The following CRYM variants were observed in gnomAD, a reference collection of about 807,000 sequenced individuals.
CRYM encodes ketimine reductase mu-crystallin.
Under a neutral mutation model 32.9 loss-of-function variants are expected in CRYM, and 18 were observed. The observed-to-expected ratio is 0.55, with a 90% confidence interval of 0.38 to 0.81. The LOEUF is 0.81. Among genes scored for constraint, CRYM ranks in the 30% least tolerant of loss-of-function variants. The pLI is 0.00. For synonymous variants in CRYM, 153 were observed against 152.4 expected, an observed-to-expected ratio of 1.00 and a Z score of -0.03; for missense variants, 337 against 393.5, an observed-to-expected ratio of 0.86 and a Z score of 1.21.
chr16:21,286,776 C>G (rs1366271557), intron 1 of CRYM, among the ~76,000 whole-genome samples: 1 of 152,072 alleles, frequency 6.6e-6, no homozygotes, highest in East Asian at 1.9e-4. Context: ...TCTTGGACAT[C>G]TAGGAGTTCC....
intron 3 of CRYM, among the ~76,000 whole-genome samples, chr16:21,272,334 C>A (rs544707152): frequency 6.6e-6 from 1 of 152,102 alleles, no homozygotes; most frequent in South Asian, 2.1e-4. Flanking sequence ...CATGGTCTGG[C>A]CCTCCTATCT....
At chr16:21,261,885 G>T in intron 6 of CRYM, 152 bp downstream of exon 6, 5 of 832,708 alleles carry the variant, frequency 6.0e-6, no homozygotes, top group South Asian at 4.8e-5. Flanking sequence ...AATTAAAGAG[G>T]GTTGCAAAAT....
intron 1 of CRYM, among the ~76,000 whole-genome samples, chr16:21,301,558 G>C (rs1159478859): frequency 6.6e-6 from 1 of 152,200 alleles, no homozygotes; most frequent in African/African-American, 2.4e-5. Flanking sequence ...CACTGGAGCT[G>C]CGGGATAATA....
At chr16:21,261,463 A>G (rs78025028) in intron 6 of CRYM, 125 bp from the exon 7 acceptor site, 119 of 714,554 alleles carry the variant, frequency 1.7e-4, no homozygotes, top group East Asian at 5.7e-4. Flanking sequence ...AAAAAAAAAA[A>G]AGAGAGAGAT....
chr16:21,270,892 C>G (rs1271664710), intron 3 of CRYM, among the ~76,000 whole-genome samples: 1 of 152,222 alleles, frequency 6.6e-6, no homozygotes, highest in Non-Finnish European at 1.5e-5. Flanking sequence ...GTGATCAACT[C>G]ACGTCCAGTG....
intron 1 of CRYM, among the ~76,000 whole-genome samples, chr16:21,301,931 T>TC (rs1275722351): frequency 2.0e-5 from 3 of 152,086 alleles, no homozygotes; most frequent in African/African-American, 7.2e-5. Context: ...TCTGCCGGCG[T>TC]CCCCCTGCGC....
chr16:21,298,959 C>T (rs1429862871), intron 1 of CRYM, among the ~76,000 whole-genome samples: 3 of 152,110 alleles, frequency 2.0e-5, no homozygotes, highest in Non-Finnish European at 4.4e-5. Context: ...AGTGTAAATA[C>T]AAATGTTTAT....
At chr16:21,281,213 T>C (rs1242093192), upstream of CRYM, among the ~76,000 whole-genome samples, 1 of 151,414 alleles carries the variant, frequency 6.6e-6, no homozygotes, top group Non-Finnish European at 1.5e-5. Context: ...TGTATATGTA[T>C]CTATGTATCT....
chr16:21,266,507 C>G (rs1597615358), intron 5 of CRYM, among the ~76,000 whole-genome samples: 1 of 152,122 alleles, frequency 6.6e-6, no homozygotes, highest in Non-Finnish European at 1.5e-5. Context: ...CAGGCACCCT[C>G]ATGTCTAGAG....
Position 21,269,780 on chromosome 16 carries a change from C to CT in CRYM, c.489+9dup. ...TCCCTCTTCTCTCCCACCCCCACCCCTGGACTTACCTCCTTAAAGGAGAAC... is the reference window on the plus strand; with the variant it reads ...TCCCTCTTCTCTCCCACCCCCACCCCTTGGACTTACCTCCTTAAAGGAGAAC... On this transcript the variant is annotated intron_variant, in intron 4 of 7. Transcript: ENST00000572914. The CT allele has an allele frequency of 1.3e-6, 2 of 1,485,786 alleles. No individual in the cohort carries two copies. Among genetic ancestry groups the CT allele is most frequent in the Non-Finnish European group, 9.4e-7 (1 of 1,066,714 alleles). The allele number at this position is 1,485,786 out of a possible 1,614,324, so 92.0% of individuals were successfully genotyped here. A position where few individuals can be genotyped will look rare whatever the true frequency, so the allele number is the denominator to read the frequency against.
At chr16:21,263,344 C>T (rs193117320) in intron 5 of CRYM, among the ~76,000 whole-genome samples, 34 of 152,074 alleles carry the variant, frequency 2.2e-4, no homozygotes, top group African/African-American at 7.7e-4. Context: ...GAGGTTGCAG[C>T]GAGCCAAGAC....
rs1194891532 is a variant in CRYM at position 21,258,843 on chromosome 16, T to C, written c.883A>G (p.Met295Val). Residue 295 changes from methionine (M) to valine (V), a missense_variant and splice_region_variant, in exon 8 of 8, where the codon ATG becomes GTG. By Grantham distance (21) the Met-to-Val change is conservative. Transcript: ENST00000572914. ...GCTGCAACTGTGTCTTCCACTGCCA[T>C]TCCTAGAATAGACAGAAATTTGGTT... ...EKTTVFKSLG[M>V]AVEDTVAAKL... The C allele has an allele frequency of 1.9e-6, 3 of 1,614,048 alleles. No individual in the cohort carries two copies. Among genetic ancestry groups the C allele is most frequent in the South Asian group, 1.1e-5 (1 of 91,084 alleles).
In CRYM at chr16:21,275,613, C is replaced by T; in HGVS notation, c.325-19G>A. 1 of 1,606,752 alleles carries T rather than the reference C, an allele frequency of 6.2e-7. No homozygotes were observed. ...CCATGACCTTGGAGGAAAAGAGAGA[C>T]AGTGAGCAAGGGGAACCCCTGTCCA... On this transcript the variant is annotated intron_variant, in intron 2 of 7. Coordinates refer to ENST00000572914, the MANE Select transcript of CRYM (RefSeq NM_001376256.1).
At chr16:21,263,608 G>A (rs117664309) in intron 5 of CRYM, among the ~76,000 whole-genome samples, 18 of 152,274 alleles carry the variant, frequency 1.2e-4, no homozygotes, top group East Asian at 7.7e-4. Flanking sequence ...GAGAAGTCTC[G>A]TCAGAAAGAA....
chr16:21,293,028 AAGATAGAT>A (rs3029354), intron 1 of CRYM, among the ~76,000 whole-genome samples: 191 of 150,480 alleles, frequency 1.3e-3, no homozygotes, highest in South Asian at 2.6e-3. Context: ...AAGTAGATAG[AAGATAGAT>A]AGATAGATAG....
intron 3 of CRYM, among the ~76,000 whole-genome samples, chr16:21,271,660 AT>A (rs1214857776): frequency 1.3e-5 from 2 of 152,122 alleles, no homozygotes; most frequent in Non-Finnish European, 2.9e-5. Flanking sequence ...GGATAATTAG[AT>A]TTTTTTCCTT....
chr16:21,261,954 ACTGGAAGGGAAGTTAATGAAACC>A, intron 6 of CRYM, 60 bp downstream of exon 6: 1 of 1,591,108 alleles, frequency 6.3e-7, no homozygotes, highest in South Asian at 1.1e-5. Flanking sequence ...AGCAGACCAA[ACTGGAAGGGAAGTTAATGAAACC>A]CTGGGATCCA....
Position 21,278,269 on chromosome 16 carries a change from C to CT in CRYM, c.-19dup, listed in dbSNP as rs764788297. 7 of 1,579,322 alleles carry CT rather than the reference C, an allele frequency of 4.4e-6. No homozygotes were observed. In the East Asian group the frequency reaches 1.6e-4, roughly 37 times the overall value. The stretch of plus-strand genomic sequence containing the variant: ...CGGCTCATCTCGCCACCTGTGCCTT[C>CT]TAACCTCAGTCTCCGCACCGCGATC... On this transcript the variant is annotated 5_prime_UTR_variant, in exon 1 of 8. Transcript: ENST00000572914.
At chr16:21,286,883 G>C (rs1181132455) in intron 1 of CRYM, among the ~76,000 whole-genome samples, 3 of 152,164 alleles carry the variant, frequency 2.0e-5, no homozygotes, top group East Asian at 3.9e-4. Flanking sequence ...GAGGTCAGGA[G>C]ATGGAGACCA....
Sources: gnomAD v4.1 joint callset for allele counts (sites outside exome capture counted in the v4.1 genomes callset) on GRCh38, gnomAD v4.1.1 for gene constraint, MANE v1.5 for transcripts, NCBI Gene and HGNC (gene_info 2026-07-23, HGNC 2026-07-21) for gene names.